LUZP1: variants seen among roughly 807,000 people sequenced by gnomAD.
LUZP1 encodes the protein filamin mechanobinding actin cross-linking protein.
A neutral mutation model predicts 71.3 loss-of-function variants in LUZP1; 25 were observed. The observed-to-expected ratio is 0.35, with a 90% CI of 0.26 to 0.49. The LOEUF (loss-of-function observed/expected upper bound fraction) is 0.49, where lower values mean the gene tolerates loss of function less well. Among genes scored for constraint, LUZP1 ranks in the 20% least tolerant of loss-of-function variants. The pLI is 0.99. For synonymous variants in LUZP1, 481 were observed against 506.4 expected (o/e 0.95, Z 0.67); for missense variants, 1,142 against 1,300.8 (o/e 0.88, Z 1.88).
chr1:23,103,871 G>GGAGA (rs1643954700), intron 3 of LUZP1, among the ~76,000 whole-genome samples: 1 of 8,540 alleles, frequency 1.2e-4, no homozygotes, highest in Admixed American at 5.6e-4. Context: ...AGGGAGGGAG[G>GGAGA]GAGGGAGGGA....
At chr1:23,177,199 T>A (rs1272573918) in intron 1 of LUZP1, among the ~76,000 whole-genome samples, 1 of 152,164 alleles carries the variant, frequency 6.6e-6, no homozygotes, top group Non-Finnish European at 1.5e-5. Context: ...CAGAGGGCTA[T>A]AATTCTTAAC....
intron 2 of LUZP1, among the ~76,000 whole-genome samples, chr1:23,114,816 A>T (rs1644064790): frequency 6.6e-6 from 1 of 152,220 alleles, no homozygotes; most frequent in African/African-American, 2.4e-5. Context: ...TAGTTCTACC[A>T]CAGACATTGT....
At chr1:23,172,534 G>C (rs1287058103) in intron 1 of LUZP1, among the ~76,000 whole-genome samples, 1 of 147,806 alleles carries the variant, frequency 6.8e-6, no homozygotes, top group Non-Finnish European at 1.5e-5. Flanking sequence ...TTTTTTTTTA[G>C]ACAGAGGTCA....
intron 2 of LUZP1, among the ~76,000 whole-genome samples, chr1:23,159,221 G>C (rs1212967815): frequency 2.0e-5 from 3 of 151,216 alleles, no homozygotes; most frequent in African/African-American, 7.3e-5. Context: ...GGCACCTGTA[G>C]TCCCAGCTAC....
chr1:23,106,469 G>C (rs1408801923), intron 3 of LUZP1, among the ~76,000 whole-genome samples: 2 of 152,062 alleles, frequency 1.3e-5, no homozygotes, highest in Non-Finnish European at 2.9e-5. Flanking sequence ...GCTGGGAGTG[G>C]TGGCATGCAC....
chr1:23,144,642 A>T (rs544606455), intron 2 of LUZP1, among the ~76,000 whole-genome samples: 16 of 152,284 alleles, frequency 1.1e-4, no homozygotes, highest in African/African-American at 3.4e-4. Flanking sequence ...AGACTAGGAC[A>T]TAAGAAATAT....
At chr1:23,119,122 AT>A (rs905090745) in intron 2 of LUZP1, among the ~76,000 whole-genome samples, 22 of 151,848 alleles carry the variant, frequency 1.4e-4, no homozygotes, top group African/African-American at 5.3e-4. Flanking sequence ...CTAATTTCTC[AT>A]TTTTTTATAC....
chr1:23,084,399 T>G (rs1643726251), exon 5 of LUZP1: 1 of 152,038 alleles, frequency 6.6e-6, no homozygotes, highest in African/African-American at 2.4e-5. Context: ...ATCATCACAT[T>G]GCCTTCTCCT....
At chr1:23,121,771 G>A (rs1284200268) in intron 2 of LUZP1, among the ~76,000 whole-genome samples, 3 of 152,074 alleles carry the variant, frequency 2.0e-5, no homozygotes, top group African/African-American at 7.2e-5. Context: ...CAGCACTTTG[G>A]GAGGCCAAGG....
intron 2 of LUZP1, among the ~76,000 whole-genome samples, chr1:23,111,327 G>T (rs1644030495): frequency 6.6e-6 from 1 of 151,674 alleles, no homozygotes; most frequent in Admixed American, 6.6e-5. Flanking sequence ...AAGGCAGGAG[G>T]ATTGCTTGAA....
intron 2 of LUZP1, among the ~76,000 whole-genome samples, chr1:23,153,565 T>TGGTATTTTCTTGGGTATTTTCTTG (rs1158746095): frequency 5.3e-5 from 8 of 152,330 alleles, no homozygotes; most frequent in African/African-American, 1.9e-4. Flanking sequence ...TTTTAGTCAA[T>TGGTATTTTCTTGGGTATTTTCTTG]GGTATTTTCA....
chr1:23,154,291 G>A (rs1330207826), intron 2 of LUZP1, among the ~76,000 whole-genome samples: 1 of 152,090 alleles, frequency 6.6e-6, no homozygotes, highest in East Asian at 1.9e-4. Flanking sequence ...CAGAACTTTG[G>A]GAGGCCACAG....
chr1:23,170,482 T>G (rs1185379275), intron 1 of LUZP1, among the ~76,000 whole-genome samples: 1 of 139,158 alleles, frequency 7.2e-6, no homozygotes, highest in Admixed American at 7.2e-5. Flanking sequence ...TTTTTTTTTT[T>G]TGAGACGAAT....
At chr1:23,140,426 C>T (rs998094636) in intron 2 of LUZP1, 1 of 152,130 alleles carries the variant, frequency 6.6e-6, no homozygotes, top group Non-Finnish European at 1.5e-5. Flanking sequence ...ACCAGTGGGC[C>T]ACGCCCTGTC....
chr1:23,143,531 G>A (rs1470753180), intron 2 of LUZP1, among the ~76,000 whole-genome samples: 1 of 152,158 alleles, frequency 6.6e-6, no homozygotes, highest in East Asian at 1.9e-4. Context: ...TGTCTATAGT[G>A]TTTTAGTTGC....
chr1:23,129,599 T>A (rs1410319814), intron 2 of LUZP1, among the ~76,000 whole-genome samples: 1 of 152,048 alleles, frequency 6.6e-6, no homozygotes, highest in Non-Finnish European at 1.5e-5. Context: ...AATAAATAAA[T>A]AAGACAATGA....
intron 2 of LUZP1, among the ~76,000 whole-genome samples, chr1:23,137,391 G>C (rs142443429): frequency 6.6e-6 from 1 of 151,996 alleles, no homozygotes; most frequent in African/African-American, 2.4e-5. Context: ...CTGTAATCCC[G>C]GCACTTTGGG....
At chr1:23,140,916 G>A (rs1644298028) in intron 2 of LUZP1, 1 of 152,358 alleles carries the variant, frequency 6.6e-6, no homozygotes, top group South Asian at 2.1e-4. Context: ...CGCCACACCA[G>A]GCTCATGCTG....
intron 2 of LUZP1, among the ~76,000 whole-genome samples, chr1:23,118,467 A>C (rs914586023): frequency 2.0e-5 from 3 of 152,214 alleles, no homozygotes; most frequent in African/African-American, 7.2e-5. Flanking sequence ...GGGCAGTAGA[A>C]TCCTGAGTTC....
Sources: allele counts gnomAD v4.1 joint callset (sites outside exome capture counted in the v4.1 genomes callset), GRCh38; gene constraint gnomAD v4.1.1; transcripts MANE v1.5; gene names NCBI Gene and HGNC (gene_info 2026-07-23, HGNC 2026-07-21).